EPB41: variants seen among roughly 807,000 people sequenced by gnomAD.
EPB41 encodes erythrocyte membrane protein band 4.1, also known as protein 4.1.
In EPB41, 65 loss-of-function variants were observed where a neutral mutation model predicts 108.0. The observed-to-expected ratio is 0.60, with a 90% CI of 0.49 to 0.74. The LOEUF (loss-of-function observed/expected upper bound fraction) is 0.74. EPB41 is among the 30% of genes least tolerant of loss of function. The pLI is 0.00. For missense variants in EPB41, 875 were observed against 1,037.0 expected, an observed-to-expected ratio of 0.84 and a Z score of 2.15; for synonymous variants, 336 against 358.9, an observed-to-expected ratio of 0.94 and a Z score of 0.72.
chr1:29,022,650 G>C (rs1054363604), intron 7 of EPB41, among the ~76,000 whole-genome samples: 10 of 152,000 alleles, frequency 6.6e-5, no homozygotes, highest in South Asian at 4.1e-4. Context: ...TAACCTGGGA[G>C]GCGGTGGTTG....
chr1:29,094,783 A>T (rs1662606298), intron 16 of EPB41, among the ~76,000 whole-genome samples: 1 of 152,068 alleles, frequency 6.6e-6, no homozygotes, highest in Admixed American at 6.5e-5. Flanking sequence ...CTGGGATGGT[A>T]TCTTCTCTTC....
Position 28,944,941 on chromosome 1 carries a change from A to C in EPB41, c.-8+30173A>C, listed in dbSNP as rs143081988. 3.2e-3 allele frequency among the ~76,000 whole-genome samples: 492 copies of C among 151,952 alleles called. 2 individuals carry two copies. The highest frequency in any genetic ancestry group is 0.011 in the African/African-American group (470 of 41,462). ...CAATCTCTACCAAAAATACAAAAAA[A>C]TTAGCCGAGCATGGTGGTGTGCGCC... On this transcript the variant is annotated intron_variant, in intron 1 of 20. Coordinates refer to ENST00000343067, the MANE Select transcript of EPB41 (RefSeq NM_001376013.1).
At chr1:29,116,431 G>T (rs1050980705) in intron 20 of EPB41, among the ~76,000 whole-genome samples, 3 of 152,128 alleles carry the variant, frequency 2.0e-5, no homozygotes, top group Non-Finnish European at 2.9e-5. Context: ...TGGGATTACA[G>T]GCATGAGCCA....
In EPB41 at chr1:29,115,520, G is replaced by A. The variant is rs966956687; in HGVS notation, c.2497-179G>A. 6.6e-6 allele frequency among the ~76,000 whole-genome samples: 1 copy of A among 152,222 alleles called. No individual in the cohort carries two copies. Among genetic ancestry groups the A allele is most frequent in the Non-Finnish European group, 1.5e-5 (1 of 68,036 alleles). On this transcript the variant is annotated intron_variant, in intron 19 of 20. Transcript: ENST00000343067. The surrounding 1 kb of genome is among the most constrained non-coding windows in gnomAD (Gnocchi z 4.4). ...CTGTCCCTGTGTTATCAGTCCAGAAGCCTCCCTATGCAGGATAGGGTGGGT... is the reference window on the plus strand; with the variant it reads ...CTGTCCCTGTGTTATCAGTCCAGAAACCTCCCTATGCAGGATAGGGTGGGT...
intron 2 of EPB41, 140 bp from the exon 3 acceptor site, chr1:28,993,190 A>AG: frequency 4.3e-6 from 3 of 691,628 alleles, no homozygotes; most frequent in Non-Finnish European, 7.4e-6. Flanking sequence ...TATTTTTTAT[A>AG]GAAAAATATT....
At chr1:29,066,840 A>C (rs934645422) in intron 16 of EPB41, among the ~76,000 whole-genome samples, 2 of 151,300 alleles carry the variant, frequency 1.3e-5, no homozygotes, top group African/African-American at 4.9e-5. Flanking sequence ...CGCCCAGCTA[A>C]TTTTTTATAT....
rs1671217265 is a variant in EPB41, at chr1:29,117,585, G to GCTCA, written c.*774_*777dup. On this transcript the variant is annotated 3_prime_UTR_variant, in exon 21 of 21. Transcript: ENST00000343067. ...CCCTTTTACCTCATCAGAAGCAGTGGCTCAGCTAAGTGCTCCCCCTAGCTC... is the reference window on the plus strand; with the variant it reads ...CCCTTTTACCTCATCAGAAGCAGTGGCTCACTCAGCTAAGTGCTCCCCCTAGCTC... The GCTCA allele has an allele frequency of 6.6e-6, 1 of 152,648 alleles. No homozygotes were observed. The highest frequency in any genetic ancestry group is 1.5e-5 in the Non-Finnish European group (1 of 68,058). 9.5% of individuals were successfully genotyped at this position (152,648 alleles called of 1,614,324 possible).
At chr1:28,988,272 G>A (rs115832458) in intron 2 of EPB41, among the ~76,000 whole-genome samples, 9 of 151,990 alleles carry the variant, frequency 5.9e-5, no homozygotes, top group Non-Finnish European at 1.3e-4. Flanking sequence ...ACAACGGGGG[G>A]ATAAAAAAAG....
chr1:28,987,435 A>C lies in EPB41; in HGVS notation c.-3A>C, dbSNP rs747028341. ...TTTCTATCTTCTTTTTAATAGCAAC[A>C]TCATGACAACAGAGAAGAGTTTAGT... is the stretch of plus-strand genomic sequence containing the variant. On this transcript the variant is annotated 5_prime_UTR_variant, in exon 2 of 21. Coordinates refer to ENST00000343067, the MANE Select transcript of EPB41 (RefSeq NM_001376013.1). 1 of 1,614,072 alleles carries C rather than the reference A, an allele frequency of 6.2e-7. No individual in the cohort carries two copies. The highest frequency in any genetic ancestry group is 1.1e-5 in the South Asian group (1 of 91,082).
At chr1:28,902,363 C>A in intron 1 of EPB41, 1 of 985,304 alleles carries the variant, frequency 1.0e-6, no homozygotes, top group Non-Finnish European at 1.2e-6. Flanking sequence ...GCTGTTGGGT[C>A]CGCAATGGTT....
At chr1:28,944,534 G>GTTTTTTTT (rs55849161) in intron 1 of EPB41, among the ~76,000 whole-genome samples, 7 of 97,422 alleles carry the variant, frequency 7.2e-5, no homozygotes, top group African/African-American at 1.2e-4. Flanking sequence ...CTCAGATCTG[G>GTTTTTTTT]TTTTTTTTTT....
At chr1:28,907,637 G>T (rs2091938888) in intron 1 of EPB41, among the ~76,000 whole-genome samples, 1 of 151,716 alleles carries the variant, frequency 6.6e-6, no homozygotes, top group South Asian at 2.1e-4. Flanking sequence ...TTTGAGACAG[G>T]GTCTTGCTCT....
At chr1:28,939,553 C>T (rs560415750) in intron 1 of EPB41, among the ~76,000 whole-genome samples, 2 of 152,152 alleles carry the variant, frequency 1.3e-5, no homozygotes, top group Admixed American at 6.5e-5. Context: ...AAGCGATTCT[C>T]CTGGCTCAGC....
chr1:28,893,840 G>A (rs761114156), intron 1 of EPB41: 17 of 152,406 alleles, frequency 1.1e-4, no homozygotes, highest in Admixed American at 2.0e-4. Flanking sequence ...GCTTCTGGGT[G>A]AGTAATGGTT....
At chr1:29,083,104 C>CT (rs1257974685) in intron 16 of EPB41, among the ~76,000 whole-genome samples, 1 of 150,046 alleles carries the variant, frequency 6.7e-6, no homozygotes, top group African/African-American at 2.4e-5. Flanking sequence ...GAAAATGACT[C>CT]TGAGTTTCAT....
Position 29,119,435 on chromosome 1 carries a change from C to T in EPB41, c.*2623C>T, listed in dbSNP as rs890147650. On this transcript the variant is annotated 3_prime_UTR_variant, in exon 21 of 21. Coordinates refer to ENST00000343067, the MANE Select transcript of EPB41 (RefSeq NM_001376013.1). The stretch of plus-strand genomic sequence containing the variant: ...TCAGACACACCACAGTAACAACTCT[C>T]GCTGCAATTTTATTTTAATTTGAGA... 7 of 152,608 alleles carry T rather than the reference C, an allele frequency of 4.6e-5. No homozygotes were observed. Among genetic ancestry groups the T allele is most frequent in the African/African-American group, 1.4e-4 (6 of 41,452 alleles). 9.5% of individuals were successfully genotyped at this position (152,608 alleles called of 1,614,324 possible).
At chr1:28,983,791 A>G (rs936584563) in intron 1 of EPB41, among the ~76,000 whole-genome samples, 1 of 151,662 alleles carries the variant, frequency 6.6e-6, no homozygotes, top group African/African-American at 2.4e-5. Context: ...CCATCCACGA[A>G]CAGCTTAAGT....
intron 1 of EPB41, among the ~76,000 whole-genome samples, chr1:28,892,121 A>C (rs970379671): frequency 3.3e-5 from 5 of 149,620 alleles, no homozygotes; most frequent in African/African-American, 4.9e-5. Context: ...AAAAAGAATA[A>C]CACCACCATT....
intron 19 of EPB41, among the ~76,000 whole-genome samples, chr1:29,113,794 C>G (rs1489642139): frequency 1.3e-5 from 2 of 152,172 alleles, no homozygotes; most frequent in African/African-American, 4.8e-5. Flanking sequence ...GCTCCAGTGT[C>G]CCTCAGGTTT....
Sources: gnomAD v4.1 joint callset for allele counts (sites outside exome capture counted in the v4.1 genomes callset) on GRCh38, gnomAD v4.1.1 for gene constraint, Gnocchi (gnomAD v3.1) non-coding constraint, MANE v1.5 for transcripts, NCBI Gene and HGNC (gene_info 2026-07-23, HGNC 2026-07-21) for gene names.